Variants in SIRT1 observed in about 807,000 individuals in gnomAD.
The protein encoded by SIRT1 is NAD-dependent protein deacetylase sirtuin-1.
Under a neutral mutation model 67.9 loss-of-function variants are expected in SIRT1, and 24 were observed. The ratio of observed to expected loss-of-function variants is 0.35; its 90% CI spans 0.26 to 0.50. SIRT1 has a LOEUF of 0.50. SIRT1 is among the 20% of genes least tolerant of loss of function. The pLI, the probability that SIRT1 is intolerant of heterozygous loss-of-function variation, is 0.98. For missense variants in SIRT1, 873 were observed against 937.2 expected (o/e 0.93, Z 0.89); for synonymous variants, 378 against 350.7 (o/e 1.08, Z -0.87).
chr10:67,911,002 T>TC (rs1392993273), intron 7 of SIRT1, among the ~76,000 whole-genome samples: 2 of 152,188 alleles, frequency 1.3e-5, no homozygotes, highest in Non-Finnish European at 2.9e-5. Context: ...GTCAAGCTCT[T>TC]CAATTTTGTG....
rs35648458 is a variant in SIRT1 at position 67,907,865 on chromosome 10, C to T, written c.1091-181C>T. On this transcript the variant is annotated intron_variant, in intron 5 of 8. Transcript: ENST00000212015. ...ATATAAATTCTTCATCCCCTAGATT[C>T]TCCTGTAGTATATCACAAAATCTGC... is the stretch of plus-strand genomic sequence containing the variant. Among the ~76,000 whole-genome samples the T allele has an allele frequency of 4.2e-4, 64 of 152,254 alleles. 1 individual carries two copies. The East Asian group carries it at 7.3e-3, about 17-fold the overall frequency.
At chr10:67,906,241 T>C in intron 4 of SIRT1, 1 of 1,575,238 alleles carries the variant, frequency 6.3e-7, no homozygotes, top group East Asian at 2.3e-5. Context: ...TGAGCAACTC[T>C]ATACTATACC....
intron 4 of SIRT1, among the ~76,000 whole-genome samples, chr10:67,897,417 A>G (rs760902772): frequency 2.0e-5 from 3 of 151,314 alleles, no homozygotes; most frequent in Non-Finnish European, 4.4e-5. Flanking sequence ...CCTCTTGAGT[A>G]GACTTGATTA....
rs1842847371 is a variant in SIRT1 at position 67,908,058 on chromosome 10, C to T, written c.1103C>T (p.Thr368Ile). 6.8e-6 allele frequency: 11 copies of T among 1,612,624 alleles called. No individual in the cohort carries two copies. The highest frequency in any genetic ancestry group is 1.3e-5 in the African/African-American group (1 of 74,882). Residue 368 changes from threonine to isoleucine, a missense_variant, in exon 6 of 9, where the codon ACA becomes ATA. Around this residue, in one of 3 missense-constraint regions of SIRT1, gnomAD observed 251 missense variants for 358.8 expected, o/e 0.70. Coordinates refer to ENST00000212015, the MANE Select transcript of SIRT1 (RefSeq NM_012238.5). Reference protein sequence around the residue: ...RIIQCHGSFATASCLICKYKV... With the variant: ...RIIQCHGSFAIASCLICKYKV... ...TGTTTGTTTTTAGGTTCCTTTGCAACAGCATCTTGCCTGATTTGTAAATAC... is the reference window on the plus strand; with the variant it reads ...TGTTTGTTTTTAGGTTCCTTTGCAATAGCATCTTGCCTGATTTGTAAATAC...
At chr10:67,910,530 A>T (rs1293793709) in intron 7 of SIRT1, among the ~76,000 whole-genome samples, 2 of 152,160 alleles carry the variant, frequency 1.3e-5, no homozygotes, top group African/African-American at 2.4e-5. Flanking sequence ...ATGGTCCTTT[A>T]TCCTTATATT....
At chr10:67,887,563 G>T (rs1324764419) in intron 2 of SIRT1, 30 bp downstream of exon 2, 8 of 1,441,130 alleles carry the variant, frequency 5.6e-6, no homozygotes, top group Admixed American at 1.8e-5. Context: ...ATTTTAGAGA[G>T]TAAATGTACG....
intron 5 of SIRT1, among the ~76,000 whole-genome samples, chr10:67,907,490 CAAAAAAAAA>C (rs373037115): frequency 1.9e-4 from 21 of 109,036 alleles, no homozygotes; most frequent in Admixed American, 5.1e-4. Context: ...GAGACTCTGT[CAAAAAAAAA>C]AAAAAAAAAG....
chr10:67,912,680 G>T lies in SIRT1; in HGVS notation c.1564G>T (p.Ala522Ser). 6.2e-7 allele frequency: 1 copy of T among 1,614,064 alleles called. No individual in the cohort carries two copies. Among genetic ancestry groups the T allele is most frequent in the South Asian group, 1.1e-5 (1 of 91,082 alleles). Residue 522 changes from alanine to serine, a missense_variant, in exon 8 of 9, where the codon GCT becomes TCT. Coordinates refer to ENST00000212015, the MANE Select transcript of SIRT1 (RefSeq NM_012238.5). ...EKPPRTQKEL[A>S]YLSELPPTPL... The stretch of plus-strand genomic sequence containing the variant: ...ACCTCCACGAACACAAAAAGAATTG[G>T]CTTATTTGTCAGAGTTGCCACCCAC...
At chr10:67,915,325 G>A (rs138936973) in intron 8 of SIRT1, among the ~76,000 whole-genome samples, 1 of 152,118 alleles carries the variant, frequency 6.6e-6, no homozygotes, top group Admixed American at 6.5e-5. Flanking sequence ...GTTAAGTTAG[G>A]GACATACTGT....
intron 8 of SIRT1, among the ~76,000 whole-genome samples, chr10:67,914,220 C>T (rs1020972431): frequency 9.2e-5 from 14 of 151,960 alleles, no homozygotes; most frequent in East Asian, 3.9e-4. Context: ...TACAGGCATG[C>T]GCCACCTTGC....
chr10:67,893,337 C>G (rs1414803470), intron 4 of SIRT1, among the ~76,000 whole-genome samples: 1 of 152,066 alleles, frequency 6.6e-6, no homozygotes, highest in Non-Finnish European at 1.5e-5. Flanking sequence ...GTGGTGTTCC[C>G]CACCCTGTGT....
At position 67,887,425 on chromosome 10, in the gene SIRT1, C is replaced by A; in HGVS notation, c.439C>A (p.Leu147Met). 6.2e-7 allele frequency: 1 copy of A among 1,611,566 alleles called. No individual in the cohort carries two copies. The highest frequency in any genetic ancestry group is 8.5e-7 in the Non-Finnish European group (1 of 1,177,966). ...AAAIGYRDNL[L>M]FGDEIITNGF... is the part of the protein sequence containing the mutation. ...CTTGGTTTCTTTTGCAGATAACCTT[C>A]TGTTCGGTGATGAAATTATCACTAA... Residue 147 changes from leucine (L) to methionine (M), a missense_variant, in exon 2 of 9, where the codon CTG becomes ATG. Leu to Met is a conservative substitution (Grantham distance 15). Around this residue, in one of 3 missense-constraint regions of SIRT1, gnomAD observed 327 missense variants for 283.9 expected, o/e 1.15. Coordinates refer to ENST00000212015, the MANE Select transcript of SIRT1 (RefSeq NM_012238.5).
chr10:67,912,326 TG>T, intron 7 of SIRT1, 147 bp from the exon 8 acceptor site: 1 of 650,868 alleles, frequency 1.5e-6, no homozygotes, highest in Admixed American at 3.2e-5. Context: ...TGAAATGTAA[TG>T]GCTTGGTTAA....
intron 4 of SIRT1, among the ~76,000 whole-genome samples, chr10:67,903,018 G>T (rs528977643): frequency 8.4e-4 from 128 of 152,264 alleles, no homozygotes; most frequent in African/African-American, 3.0e-3. Context: ...CTAAACCCAG[G>T]AGAGGTGGAG....
At chr10:67,897,129 C>T (rs933440005) in intron 4 of SIRT1, among the ~76,000 whole-genome samples, 2 of 151,790 alleles carry the variant, frequency 1.3e-5, no homozygotes, top group African/African-American at 2.4e-5. Flanking sequence ...CTACTCCAGC[C>T]TGATTGACAG....
At chr10:67,890,619 G>C (rs1406796749) in intron 3 of SIRT1, among the ~76,000 whole-genome samples, 1 of 152,074 alleles carries the variant, frequency 6.6e-6, no homozygotes, top group Non-Finnish European at 1.5e-5. Flanking sequence ...TGTAGTCCCA[G>C]CTGCTAAGGA....
In SIRT1 at chr10:67,913,027, T is replaced by G; in HGVS notation, c.1911T>G (p.Leu637=). Residue 637 remains leucine (L), a synonymous_variant, in exon 8 of 9, where the codon CTT becomes CTG. Transcript: ENST00000212015. ...RVAKEQISRR[L]DGNQYLFLPP... ...CAAAGGAGCAGATTAGTAGGCGGCT[T>G]GATGGTAAGAAAGGCAGTCGGACCA... 1 of 1,589,940 alleles carries G rather than the reference T, an allele frequency of 6.3e-7. No individual in the cohort carries two copies.
At position 67,884,701 on chromosome 10, in the gene SIRT1, G is replaced by GCTC. The variant is rs1842446156; in HGVS notation, c.-21_-20insCTC. ...GGGAGCAGAGGAGGCGAGGGAGGAG[G>GCTC]GCCAGAGAGGCAGTTGGAAGATGGC... On this transcript the variant is annotated 5_prime_UTR_variant, in exon 1 of 9. Transcript: ENST00000212015. The GCTC allele has an allele frequency of 8.1e-7, 1 of 1,228,370 alleles. No individual in the cohort carries two copies. Among genetic ancestry groups the GCTC allele is most frequent in the African/African-American group, 1.6e-5 (1 of 64,182 alleles). 76.1% of individuals were successfully genotyped at this position (1,228,370 alleles called of 1,614,324 possible).
chr10:67,907,685 C>T (rs990837841), intron 5 of SIRT1, among the ~76,000 whole-genome samples: 4 of 151,924 alleles, frequency 2.6e-5, no homozygotes, highest in Non-Finnish European at 4.4e-5. Context: ...TAAGAACTGC[C>T]GAGCTAAGGT....
Sources: gnomAD v4.1 joint callset for allele counts (sites outside exome capture counted in the v4.1 genomes callset) on GRCh38, gnomAD v4.1.1 for gene constraint, gnomAD v4.1.1 regional missense constraint, MANE v1.5 for transcripts, NCBI Gene and HGNC (gene_info 2026-07-23, HGNC 2026-07-21) for gene names.